The following TLE6 variants were observed in gnomAD, a reference collection of about 807,000 sequenced individuals.
TLE6 encodes the protein TLE family member 6, subcortical maternal complex member, also known as transducin-like enhancer protein 6.
Under a neutral mutation model 77.1 loss-of-function variants are expected in TLE6, and 72 were observed. The ratio of observed to expected loss-of-function variants is 0.93; its 90% confidence interval spans 0.77 to 1.14. The LOEUF is 1.14. Ranked by LOEUF, TLE6 falls within the 50% of genes most tolerant of loss-of-function variation. The pLI, the probability that TLE6 is intolerant of heterozygous loss-of-function variation, is 0.00. For synonymous variants in TLE6, 366 were observed against 287.3 expected (o/e 1.27, Z -2.77); for missense variants, 843 against 747.6 (o/e 1.13, Z -1.49).
chr19:2,978,191 G>C lies in TLE6; in HGVS notation c.-36-7G>C, dbSNP rs376506558. ...CCTCAAGACCTGCCGTCTCCTTGTT[G>C]TTTTAGACTCTGGCTAAAGTCTTGG... On this transcript the variant is annotated splice_polypyrimidine_tract_variant and splice_region_variant and intron_variant, in intron 1 of 16. Transcript: ENST00000246112. 2.6e-6 allele frequency: 4 copies of C among 1,548,078 alleles called. No homozygotes were observed. The highest frequency in any genetic ancestry group is 8.7e-7 in the Non-Finnish European group (1 of 1,144,048).
At chr19:2,983,870 T>C (rs2088850211) in intron 5 of TLE6, 1 of 152,520 alleles carries the variant, frequency 6.6e-6, no homozygotes, top group Admixed American at 6.5e-5. Flanking sequence ...TGGACGTGTT[T>C]TGGGAGGAAC....
At chr19:2,990,605 CAAA>C (rs2089023569) in intron 13 of TLE6, among the ~76,000 whole-genome samples, 1 of 135,660 alleles carries the variant, frequency 7.4e-6, no homozygotes. Context: ...GACTCTGTCT[CAAA>C]AAAGAAAAAA....
Position 2,986,838 on chromosome 19 carries a change from G to C in TLE6, c.232G>C (p.Val78Leu). The C allele has an allele frequency of 6.4e-7, 1 of 1,551,724 alleles. No homozygotes were observed. The highest frequency in any genetic ancestry group is 2.0e-5 in the Admixed American group (1 of 50,992). Residue 78 changes from valine to leucine, a missense_variant, in exon 6 of 17, where the codon GTC (valine) becomes CTC (leucine). Coordinates refer to ENST00000246112, the MANE Select transcript of TLE6 (RefSeq NM_001143986.2). ...VAEHHKQIGN[V>L]LQIVESCSQL... ...GCCAACCTCCTTCTAGATAGGAAAC[G>C]TCTTACAGATTGTGGAGAGCTGCAG... is the stretch of plus-strand genomic sequence containing the variant.
At chr19:2,992,700 G>T (rs535270044) in intron 14 of TLE6, among the ~76,000 whole-genome samples, 1 of 149,462 alleles carries the variant, frequency 6.7e-6, no homozygotes, top group Non-Finnish European at 1.5e-5. Context: ...GCTTGAGCCC[G>T]GGGAGGCTGA....
intron 4 of TLE6, 25 bp from the exon 5 acceptor site, chr19:2,982,123 T>A: frequency 6.4e-7 from 1 of 1,551,540 alleles, no homozygotes; most frequent in Non-Finnish European, 8.7e-7. Context: ...CACCTCCCGA[T>A]GGGATCTCTG....
At chr19:2,986,721 C>G (rs1460280530) in intron 5 of TLE6, 108 bp from the exon 6 acceptor site, 2 of 1,163,326 alleles carry the variant, frequency 1.7e-6, no homozygotes, top group African/African-American at 3.1e-5. Context: ...CTCAAAAAAA[C>G]AAGTAGATTG....
intron 5 of TLE6, among the ~76,000 whole-genome samples, chr19:2,983,155 C>T (rs1421583666): frequency 1.3e-5 from 2 of 151,636 alleles, no homozygotes; most frequent in African/African-American, 4.8e-5. Context: ...AGGGGGGCAG[C>T]GAAGGGAACA....
Position 2,981,671 on chromosome 19 carries a change from C to G in TLE6, c.180+88C>G, listed in dbSNP as rs902300817. On this transcript the variant is annotated intron_variant, in intron 4 of 16. Coordinates refer to ENST00000246112, the MANE Select transcript of TLE6 (RefSeq NM_001143986.2). ...TTTCCCGGCCCTGCCTCCTGAGTGC[C>G]CTAGAGAGGTTCTTTTCCGCCAAGC... 27 of 1,388,020 alleles carry G rather than the reference C, an allele frequency of 1.9e-5. No individual in the cohort carries two copies. In the East Asian group the frequency reaches 6.5e-4, roughly 33 times the overall value. 86.0% of individuals were successfully genotyped at this position (1,388,020 alleles called of 1,614,324 possible). A position where few individuals can be genotyped will look rare whatever the true frequency, so the allele number is the denominator to read the frequency against.
chr19:2,992,151 C>A (rs1292546999), intron 14 of TLE6, among the ~76,000 whole-genome samples, 167 bp downstream of exon 14: 2 of 152,020 alleles, frequency 1.3e-5, no homozygotes, highest in Non-Finnish European at 2.9e-5. Context: ...GCGTGGCCAA[C>A]ATAGTGAAAC....
chr19:2,978,198 A>G lies in TLE6; in HGVS notation c.-36A>G, dbSNP rs778366742. 1.9e-6 allele frequency: 3 copies of G among 1,549,512 alleles called. No homozygotes were observed. The highest frequency in any genetic ancestry group is 2.0e-5 in the Admixed American group (1 of 50,864). The stretch of plus-strand genomic sequence containing the variant: ...ACCTGCCGTCTCCTTGTTGTTTTAG[A>G]CTCTGGCTAAAGTCTTGGAGGCTAC... On this transcript the variant is annotated splice_region_variant and 5_prime_UTR_variant, in exon 2 of 17. Coordinates refer to ENST00000246112, the MANE Select transcript of TLE6 (RefSeq NM_001143986.2).
At position 2,987,274 on chromosome 19, in the gene TLE6, C is replaced by T. The variant is rs201034215; in HGVS notation, c.541+36C>T. On this transcript the variant is annotated intron_variant, in intron 7 of 16. Coordinates refer to ENST00000246112, the MANE Select transcript of TLE6 (RefSeq NM_001143986.2). ...CTGAGGGTGAGGGGGAAGGGGCAGC[C>T]ACAGGCTGCGTCTCAGGGGCTGTGC... 1.9e-5 allele frequency: 31 copies of T among 1,614,146 alleles called. No individual in the cohort carries two copies. The East Asian group carries it at 6.7e-4, about 35-fold the overall frequency.
In TLE6 at chr19:2,981,872, T is replaced by TGAGGCAGGAGAATCGCTTGAGCCCAG. The variant is rs1485831821; in HGVS notation, c.181-268_181-243dup. On this transcript the variant is annotated intron_variant, in intron 4 of 16. Transcript: ENST00000246112. ...CTGTACTCCCAGCTACTCGGGAGGC[T>TGAGGCAGGAGAATCGCTTGAGCCCAG]GAGGCAGGAGAATCGCTTGAGCCCA... Among the ~76,000 whole-genome samples the TGAGGCAGGAGAATCGCTTGAGCCCAG allele has an allele frequency of 7.3e-5, 11 of 151,640 alleles. No individual in the cohort carries two copies. In the East Asian group the frequency reaches 2.1e-3, roughly 30 times the overall value.
Position 2,993,454 on chromosome 19 carries a change from C to T in TLE6, c.1409C>T (p.Pro470Leu), listed in dbSNP as rs371178281. 47 of 1,602,928 alleles carry T rather than the reference C, an allele frequency of 2.9e-5. No individual in the cohort carries two copies. The highest frequency in any genetic ancestry group is 2.2e-4 in the Admixed American group (13 of 59,616). The change falls in exon 15 of 17, where the codon CCC becomes CTC. Residue 470 changes from proline (P) to leucine (L), a missense_variant. Physicochemically the swap from Pro to Leu is moderately conservative, Grantham distance 98 (BLOSUM62 -3). Coordinates refer to ENST00000246112, the MANE Select transcript of TLE6 (RefSeq NM_001143986.2). ...TAGATAATGAGCCTGTCCCACAGCC[C>T]CCAGGAGGACTGGGTGCTGCTGGGC... ...KSQIMSLSHS[P>L]QEDWVLLGMA...
At position 2,989,138 on chromosome 19, in the gene TLE6, TC is replaced by T. The variant is rs781556033; in HGVS notation, c.821del (p.Pro274ArgfsTer41). 1 of 1,614,054 alleles carries T rather than the reference TC, an allele frequency of 6.2e-7. No homozygotes were observed. The highest frequency in any genetic ancestry group is 8.5e-7 in the Non-Finnish European group (1 of 1,180,030). ...ALPGQSKRLAVPCKLEKMRIL... is the reference protein window; with the variant it reads ...ALPGQSKRLAXPCKLEKMRIL... ...CCCGGGCAGTCAAAGAGACTCGCCG[TC>T]CCGTGCAAACTGGAAAAGATGCGGA... On this transcript the variant is annotated frameshift_variant, in exon 12 of 17. Coordinates refer to ENST00000246112, the MANE Select transcript of TLE6 (RefSeq NM_001143986.2). LOFTEE classifies it high-confidence loss of function.
chr19:2,991,138 C>T (rs888353791), intron 13 of TLE6, among the ~76,000 whole-genome samples: 11 of 151,228 alleles, frequency 7.3e-5, no homozygotes, highest in African/African-American at 2.7e-4. Context: ...CCGAGGCGGG[C>T]AGATCACCTG....
At chr19:2,994,181 AAACTT>A (rs2089156029) in intron 16 of TLE6, 86 bp downstream of exon 16, 1 of 1,219,050 alleles carries the variant, frequency 8.2e-7, no homozygotes, top group Admixed American at 2.6e-5. Context: ...TCTCCACAAA[AAACTT>A]AAAAAGTAGC....
chr19:2,993,551 C>T lies in TLE6; in HGVS notation c.1506C>T (p.Ser502=), dbSNP rs774138553. The change falls in exon 15 of 17, where the codon AGC becomes AGT. Residue 502 remains serine (S), a synonymous_variant. Transcript: ENST00000246112. ...SQRHMVGQKD[S]VILSVKFSPF... is the part of the protein sequence containing the mutation. ...GGCACATGGTGGGGCAAAAAGACAG[C>T]GTCATCCTGAGCGTCAAGTTCTCCC... 7 of 1,582,668 alleles carry T rather than the reference C, an allele frequency of 4.4e-6. No individual in the cohort carries two copies. Among genetic ancestry groups the T allele is most frequent in the African/African-American group, 1.4e-5 (1 of 74,010 alleles).
intron 15 of TLE6, 126 bp downstream of exon 15, chr19:2,993,708 A>C: frequency 1.7e-6 from 2 of 1,202,898 alleles, no homozygotes; most frequent in Non-Finnish European, 1.1e-6. Context: ...GCAGAAACCA[A>C]TTTTGGGGAT....
At chr19:2,994,546 C>A (rs2089164993) in intron 16 of TLE6, among the ~76,000 whole-genome samples, 1 of 152,020 alleles carries the variant, frequency 6.6e-6, no homozygotes, top group South Asian at 2.1e-4. Context: ...GGAGGCGGAG[C>A]TTGCAGTGAG....
Sources: allele counts gnomAD v4.1 joint callset (sites outside exome capture counted in the v4.1 genomes callset), GRCh38; gene constraint gnomAD v4.1.1; transcripts MANE v1.5; gene names NCBI Gene and HGNC (gene_info 2026-07-23, HGNC 2026-07-21).